Variants in AXIN1 observed in about 807,000 individuals in gnomAD.
AXIN1 encodes axin 1.
A neutral mutation model predicts 76.4 loss-of-function variants in AXIN1; 30 were observed. The observed-to-expected ratio is 0.39, with a 90% CI of 0.29 to 0.53. AXIN1 has a LOEUF of 0.53. AXIN1 is among the 20% of genes least tolerant of loss of function. The pLI is 0.66. For synonymous variants in AXIN1, 545 were observed against 501.4 expected, an observed-to-expected ratio of 1.09 and a Z score of -1.16; for missense variants, 1,140 against 1,198.8, an observed-to-expected ratio of 0.95 and a Z score of 0.72.
At chr16:341,186 C>T (rs1363899044) in intron 2 of AXIN1, among the ~76,000 whole-genome samples, 1 of 152,288 alleles carries the variant, frequency 6.6e-6, no homozygotes, top group Non-Finnish European at 1.5e-5. Context: ...GCCCTTCAGC[C>T]CACCACTGCA....
chr16:318,751 C>A (rs2053364059), intron 2 of AXIN1, among the ~76,000 whole-genome samples: 1 of 152,218 alleles, frequency 6.6e-6, no homozygotes, highest in Admixed American at 6.5e-5. Context: ...CATGTGTGCA[C>A]CTGTATGCCC....
intron 2 of AXIN1, among the ~76,000 whole-genome samples, chr16:337,838 T>C (rs2053838774): frequency 6.6e-6 from 1 of 152,222 alleles, no homozygotes; most frequent in South Asian, 2.1e-4. Flanking sequence ...CAGCCGGGCG[T>C]GCGGCCTCTG....
At chr16:297,333 A>AGCC (rs2052739583) in intron 6 of AXIN1, 107 bp from the exon 7 acceptor site, 1 of 1,455,642 alleles carries the variant, frequency 6.9e-7, no homozygotes, top group Non-Finnish European at 9.4e-7. Flanking sequence ...CCCGTGGTGC[A>AGCC]GCCGCCGCCC....
At chr16:298,402 G>A (rs1242769392) in intron 5 of AXIN1, 151 bp from the exon 6 acceptor site, 2 of 957,726 alleles carry the variant, frequency 2.1e-6, no homozygotes, top group Non-Finnish European at 3.2e-6. Context: ...TGTCCCTGAG[G>A]ATGGAGAGGC....
At chr16:319,288 C>T (rs767519974) in intron 2 of AXIN1, among the ~76,000 whole-genome samples, 10 of 152,036 alleles carry the variant, frequency 6.6e-5, no homozygotes, top group Non-Finnish European at 1.2e-4. Context: ...GATATGATCA[C>T]GCCACTGTGT....
At chr16:297,327 T>G (rs1036316821) in intron 6 of AXIN1, 101 bp from the exon 7 acceptor site, 1 of 1,501,248 alleles carries the variant, frequency 6.7e-7, no homozygotes, top group African/African-American at 1.4e-5. Context: ...AAGGCTCCCG[T>G]GGTGCAGCCG....
At position 352,517 on chromosome 16, in the gene AXIN1, G is replaced by T; in HGVS notation, c.-230C>A. The T allele has an allele frequency of 2.7e-6, 2 of 732,764 alleles. No individual in the cohort carries two copies. The highest frequency in any genetic ancestry group is 3.3e-6 in the Non-Finnish European group (2 of 602,214). 45.4% of individuals were successfully genotyped at this position (732,764 alleles called of 1,614,324 possible). A position where few individuals can be genotyped will look rare whatever the true frequency, so the allele number is the denominator to read the frequency against. ...CCATCTCGGCGGCTGCGGCTCGGCG[G>T]CCCGGAGGCGGACGCGGGGCAGGCC... On this transcript the variant is annotated 5_prime_UTR_variant, in exon 1 of 11. Coordinates refer to ENST00000262320, the MANE Select transcript of AXIN1 (RefSeq NM_003502.4).
rs1018136731 is a variant in AXIN1 at position 326,618 on chromosome 16, C to T, written c.879-11935G>A. ...AAAAAATTAGCTGGGCGTGGTGGCACGCCTGTAGTCCCAGCTACTCGGGAG... is the reference window on the plus strand; with the variant it reads ...AAAAAATTAGCTGGGCGTGGTGGCATGCCTGTAGTCCCAGCTACTCGGGAG... On this transcript the variant is annotated intron_variant, in intron 2 of 10. Coordinates refer to ENST00000262320, the MANE Select transcript of AXIN1 (RefSeq NM_003502.4). Among the ~76,000 whole-genome samples the T allele has an allele frequency of 6.7e-5, 10 of 149,970 alleles. No homozygotes were observed. The South Asian group carries it at 1.1e-3, about 16-fold the overall frequency.
intron 2 of AXIN1, among the ~76,000 whole-genome samples, chr16:343,775 A>T (rs2053975775): frequency 6.6e-6 from 1 of 151,842 alleles, no homozygotes; most frequent in African/African-American, 2.4e-5. Context: ...GCACTTTGGG[A>T]GGCTGAGATC....
chr16:296,931 G>T, intron 7 of AXIN1, 125 bp downstream of exon 7: 5 of 1,210,500 alleles, frequency 4.1e-6, no homozygotes, highest in Non-Finnish European at 6.0e-6. Context: ...CACAGTGACA[G>T]GGGAAGTGTG....
In AXIN1 at chr16:333,235, G is replaced by C. The variant is rs969480527; in HGVS notation, c.878+12913C>G. On this transcript the variant is annotated intron_variant, in intron 2 of 10. Coordinates refer to ENST00000262320, the MANE Select transcript of AXIN1 (RefSeq NM_003502.4). Reference sequence around the variant, plus strand: ...TAATCCCAGCTACTCAGGAGGCTGAGGCAGGAGAATTGCTTGAACCCGGGA... The same window carrying C: ...TAATCCCAGCTACTCAGGAGGCTGACGCAGGAGAATTGCTTGAACCCGGGA... Among the ~76,000 whole-genome samples the C allele has an allele frequency of 3.3e-5, 5 of 152,044 alleles. No homozygotes were observed. The East Asian group carries it at 5.8e-4, about 18-fold the overall frequency.
intron 9 of AXIN1, 148 bp from the exon 10 acceptor site, chr16:289,755 C>T (rs1273844572): frequency 1.3e-5 from 12 of 925,256 alleles, no homozygotes; most frequent in African/African-American, 4.9e-5. Flanking sequence ...CCGCAGCCCC[C>T]GCACAGCATC....
In AXIN1 at chr16:297,044, C is replaced by G. The variant is rs184429039; in HGVS notation, c.1955+12G>C. The G allele has an allele frequency of 1.1e-4, 170 of 1,609,318 alleles. No individual in the cohort carries two copies. In the East Asian group the frequency reaches 3.6e-3, roughly 34 times the overall value. ...CAGGCCCCACGAGGCTGGCTGCGTG[C>G]GGGGTGCTCACCCGTGGCCGGTCCT... is the stretch of plus-strand genomic sequence containing the variant. On this transcript the variant is annotated intron_variant, in intron 7 of 10. Transcript: ENST00000262320.
intron 2 of AXIN1, among the ~76,000 whole-genome samples, 171 bp from the exon 3 acceptor site, chr16:314,854 C>A (rs2141595613): frequency 6.6e-6 from 1 of 152,298 alleles, no homozygotes; most frequent in East Asian, 1.9e-4. Flanking sequence ...TCCTCTTGTC[C>A]CTCTGTCCTT....
At chr16:320,807 T>TC (rs2053432766) in intron 2 of AXIN1, among the ~76,000 whole-genome samples, 1 of 57,800 alleles carries the variant, frequency 1.7e-5, no homozygotes, top group Admixed American at 1.5e-4. Flanking sequence ...TGGCGCGATC[T>TC]CGGCTCACTA....
chr16:291,354 G>A, intron 8 of AXIN1, 57 bp from the exon 9 acceptor site: 3 of 1,447,700 alleles, frequency 2.1e-6, no homozygotes, highest in South Asian at 2.4e-5. Context: ...CCCTGGGGAG[G>A]GAGCCTCGAC....
chr16:342,197 G>A (rs973161321), intron 2 of AXIN1, among the ~76,000 whole-genome samples: 11 of 152,068 alleles, frequency 7.2e-5, no homozygotes, highest in African/African-American at 1.7e-4. Flanking sequence ...CACTCACCGC[G>A]AAGATCTGCA....
intron 2 of AXIN1, among the ~76,000 whole-genome samples, chr16:321,910 G>A (rs1343530782): frequency 6.6e-6 from 1 of 152,222 alleles, no homozygotes; most frequent in Non-Finnish European, 1.5e-5. Flanking sequence ...AGTTGAAAAG[G>A]CCTAAGTGGA....
At chr16:320,336 A>G (rs3848362) in intron 2 of AXIN1, among the ~76,000 whole-genome samples, 77,011 of 151,998 alleles carry the variant, frequency 0.51, 20,371 homozygotes, top group South Asian at 0.65. Flanking sequence ...ATGAGCCATC[A>G]TGCCTGGCCA....
Sources: gnomAD v4.1 joint callset for allele counts (sites outside exome capture counted in the v4.1 genomes callset) on GRCh38, gnomAD v4.1.1 for gene constraint, MANE v1.5 for transcripts, NCBI Gene and HGNC (gene_info 2026-07-23, HGNC 2026-07-21) for gene names.